The following MRPL22 variants were observed in gnomAD, a reference collection of about 807,000 sequenced individuals.
MRPL22 encodes the protein large ribosomal subunit protein uL22m.
In MRPL22, 27 loss-of-function variants were observed where a neutral mutation model predicts 32.4. The observed-to-expected ratio is 0.83, with a 90% CI of 0.61 to 1.15. MRPL22 has a LOEUF of 1.15. MRPL22 is among the 50% of genes most tolerant of loss of function. MRPL22 has a pLI of 0.00. For synonymous variants in MRPL22, 86 were observed against 87.3 expected, an observed-to-expected ratio of 0.99 and a Z score of 0.08; for missense variants, 239 against 260.2, an observed-to-expected ratio of 0.92 and a Z score of 0.56.
chr5:154,949,883 A>C (rs927394880), intron 2 of MRPL22, among the ~76,000 whole-genome samples: 1 of 152,220 alleles, frequency 6.6e-6, no homozygotes, highest in Non-Finnish European at 1.5e-5. Context: ...ATACTTAACA[A>C]ATTCTCTGAC....
At chr5:154,950,364 G>C (rs1408617220) in intron 2 of MRPL22, among the ~76,000 whole-genome samples, 1 of 152,224 alleles carries the variant, frequency 6.6e-6, no homozygotes, top group Non-Finnish European at 1.5e-5. Context: ...TTCACCTGAA[G>C]TCACCTCTGA....
chr5:154,950,764 C>G (rs1764549270), intron 2 of MRPL22, 57 bp from the exon 3 acceptor site: 1 of 1,108,420 alleles, frequency 9.0e-7, no homozygotes, highest in South Asian at 1.3e-5. Flanking sequence ...GATATGTAAA[C>G]TCTACAGAAA....
At chr5:154,944,374 G>A (rs893583282) in intron 2 of MRPL22, among the ~76,000 whole-genome samples, 1 of 152,240 alleles carries the variant, frequency 6.6e-6, no homozygotes, top group African/African-American at 2.4e-5. Flanking sequence ...GATTACAGAC[G>A]TGAGCCACCA....
Position 154,967,204 on chromosome 5 carries a change from G to C in MRPL22, c.*307G>C. On this transcript the variant is annotated 3_prime_UTR_variant, in exon 7 of 7. Transcript: ENST00000523037. The surrounding 1 kb of genome is among the most constrained non-coding windows in gnomAD (Gnocchi z 4.7). ...TCCAACTAGTGTCCTGCAGGTGGCT[G>C]TTTTGATACTGGACTTGAATACAGT... 3.0e-6 allele frequency: 1 copy of C among 333,744 alleles called. No homozygotes were observed. Among genetic ancestry groups the C allele is most frequent in the Non-Finnish European group, 5.6e-6 (1 of 179,074 alleles). The allele number at this position is 333,744 out of a possible 1,614,324, so 20.7% of individuals were successfully genotyped here.
rs1332112471 is a variant in MRPL22 at position 154,967,486 on chromosome 5, T to C, written c.*589T>C. The stretch of plus-strand genomic sequence containing the variant: ...AACCTTTAACTTTGAAAATTTTCTT[T>C]TGGTTAAGCAAAGCCTGTTTTTATT... On this transcript the variant is annotated 3_prime_UTR_variant, in exon 7 of 7. Transcript: ENST00000523037. The surrounding 1 kb of genome is among the most constrained non-coding windows in gnomAD (Gnocchi z 4.7). 1.3e-5 allele frequency: 2 copies of C among 152,416 alleles called. No individual in the cohort carries two copies. The highest frequency in any genetic ancestry group is 3.8e-4 in the East Asian group (2 of 5,196). 9.4% of individuals were successfully genotyped at this position (152,416 alleles called of 1,614,324 possible).
At chr5:154,965,668 C>T (rs189479540) in intron 6 of MRPL22, among the ~76,000 whole-genome samples, 5 of 152,240 alleles carry the variant, frequency 3.3e-5, no homozygotes, top group East Asian at 1.9e-4. Flanking sequence ...GTGATCCGCC[C>T]GCCTTGGCCT....
At chr5:154,951,831 T>G (rs749599139) in intron 3 of MRPL22, among the ~76,000 whole-genome samples, 1 of 152,060 alleles carries the variant, frequency 6.6e-6, no homozygotes, top group Non-Finnish European at 1.5e-5. Flanking sequence ...AAAATTTTTC[T>G]GTAACTAATG....
chr5:154,957,977 C>T (rs1301120802), intron 5 of MRPL22, among the ~76,000 whole-genome samples: 8 of 136,244 alleles, frequency 5.9e-5, no homozygotes, highest in African/African-American at 1.4e-4. Flanking sequence ...GGTGCAGTGG[C>T]GCCATCTTGG....
At chr5:154,946,579 T>C (rs972321864) in intron 2 of MRPL22, among the ~76,000 whole-genome samples, 1 of 151,786 alleles carries the variant, frequency 6.6e-6, no homozygotes, top group Non-Finnish European at 1.5e-5. Context: ...TTTGGGAGGC[T>C]GAGATGGGTG....
chr5:154,956,568 G>T, intron 4 of MRPL22, 132 bp downstream of exon 4: 1 of 636,474 alleles, frequency 1.6e-6, no homozygotes, highest in Non-Finnish European at 2.7e-6. Context: ...TTGGTAGGTT[G>T]TCAAAAGAAT....
chr5:154,966,813 A>G lies in MRPL22; in HGVS notation c.537A>G (p.Pro179=). 3.7e-6 allele frequency: 6 copies of G among 1,614,156 alleles called. No homozygotes were observed. Among genetic ancestry groups the G allele is most frequent in the Non-Finnish European group, 5.1e-6 (6 of 1,180,030 alleles). ...FVKLVEGPPP[P]PEPPKTAVAH... The stretch of plus-strand genomic sequence containing the variant: ...AGTTGGTGGAAGGGCCCCCACCTCC[A>G]CCTGAGCCACCAAAGACGGCAGTTG... Residue 179 remains proline (P), a synonymous_variant, in exon 7 of 7, where the codon CCA becomes CCG. Transcript: ENST00000523037.
chr5:154,966,836 TTGCCCA>T lies in MRPL22; in HGVS notation c.565_570del (p.His189_Ala190del). ...CCACCTGAGCCACCAAAGACGGCAGTTGCCCATGCCAAAGAGTATATTCAGCAGCTT... is the reference window on the plus strand; with the variant it reads ...CCACCTGAGCCACCAAAGACGGCAGTTGCCAAAGAGTATATTCAGCAGCTT... On this transcript the variant is annotated inframe_deletion, in exon 7 of 7. Transcript: ENST00000523037. 6.2e-7 allele frequency: 1 copy of T among 1,614,132 alleles called. No individual in the cohort carries two copies. The highest frequency in any genetic ancestry group is 8.5e-7 in the Non-Finnish European group (1 of 1,180,022).
At position 154,960,058 on chromosome 5, in the gene MRPL22, T is replaced by G. The variant is rs772522010; in HGVS notation, c.409+9T>G. The G allele has an allele frequency of 2.7e-5, 42 of 1,571,968 alleles. No homozygotes were observed. Among genetic ancestry groups the G allele is most frequent in the African/African-American group, 1.4e-5 (1 of 73,948 alleles). ...GTCCAATTTATATATAGGTAAGATT[T>G]TTAATATTCTTAGCATTAGAAAATG... is the stretch of plus-strand genomic sequence containing the variant. On this transcript the variant is annotated intron_variant, in intron 6 of 6. Transcript: ENST00000523037.
intron 3 of MRPL22, among the ~76,000 whole-genome samples, chr5:154,952,531 T>G (rs1357598662): frequency 6.6e-6 from 1 of 152,202 alleles, no homozygotes; most frequent in Non-Finnish European, 1.5e-5. Flanking sequence ...TTCTCTATTT[T>G]GCACAGATTT....
Position 154,957,146 on chromosome 5 carries a change from GT to G in MRPL22, c.274del (p.Ser92LeufsTer19), listed in dbSNP as rs1764640912. 6.2e-7 allele frequency: 1 copy of G among 1,612,636 alleles called. No individual in the cohort carries two copies. Among genetic ancestry groups the G allele is most frequent in the Non-Finnish European group, 8.5e-7 (1 of 1,178,940 alleles). ...WYLAKLIRGMSIDQALAQLEF... is the reference protein window; with the variant it reads ...WYLAKLIRGMXIDQALAQLEF... ...CCCTTTAATTCTAGATACGAGGAATGTCTATTGACCAGGCTTTGGCTCAGTT... is the reference window on the plus strand; with the variant it reads ...CCCTTTAATTCTAGATACGAGGAATGCTATTGACCAGGCTTTGGCTCAGTT... On this transcript the variant is annotated frameshift_variant, in exon 5 of 7. Coordinates refer to ENST00000523037, the MANE Select transcript of MRPL22 (RefSeq NM_014180.4). LOFTEE classifies it high-confidence loss of function.
intron 3 of MRPL22, among the ~76,000 whole-genome samples, chr5:154,952,832 A>G (rs1261803279): frequency 6.6e-6 from 1 of 152,212 alleles, no homozygotes; most frequent in Non-Finnish European, 1.5e-5. Flanking sequence ...GCCAGATAAT[A>G]TCTACCATTC....
intron 3 of MRPL22, among the ~76,000 whole-genome samples, chr5:154,953,774 C>T (rs1764597383): frequency 6.7e-6 from 1 of 150,286 alleles, no homozygotes; most frequent in Non-Finnish European, 1.5e-5. Context: ...GCAGCCTCCA[C>T]CTCCTGGACT....
Position 154,966,673 on chromosome 5 carries a change from T to C in MRPL22, c.410-13T>C. The stretch of plus-strand genomic sequence containing the variant: ...CACTCATTTCCTGTAATTCTCTTTT[T>C]CTTCCTGTTTAGCTGAGTCCACCTC... On this transcript the variant is annotated splice_polypyrimidine_tract_variant and intron_variant, in intron 6 of 6. Transcript: ENST00000523037. 1 of 1,612,864 alleles carries C rather than the reference T, an allele frequency of 6.2e-7. No individual in the cohort carries two copies. Among genetic ancestry groups the C allele is most frequent in the Non-Finnish European group, 8.5e-7 (1 of 1,179,766 alleles).
Position 154,968,602 on chromosome 5 carries a change from GC to G in MRPL22, c.*1706del, listed in dbSNP as rs1764804126. On this transcript the variant is annotated 3_prime_UTR_variant, in exon 7 of 7. Transcript: ENST00000523037. Reference sequence around the variant, plus strand: ...TTTGGTGTGGGAGACCATGGAACCTGCAGTTTTAATAAATGCCCCAGTGATT... The same window carrying G: ...TTTGGTGTGGGAGACCATGGAACCTGAGTTTTAATAAATGCCCCAGTGATT... 6.6e-6 allele frequency: 1 copy of G among 152,226 alleles called. No individual in the cohort carries two copies. Among genetic ancestry groups the G allele is most frequent in the East Asian group, 1.9e-4 (1 of 5,198 alleles). The allele number at this position is 152,226 out of a possible 1,614,324, so 9.4% of individuals were successfully genotyped here. A position where few individuals can be genotyped will look rare whatever the true frequency, so the allele number is the denominator to read the frequency against.
Sources: gnomAD v4.1 joint callset for allele counts (sites outside exome capture counted in the v4.1 genomes callset) on GRCh38, gnomAD v4.1.1 for gene constraint, Gnocchi (gnomAD v3.1) non-coding constraint, MANE v1.5 for transcripts, NCBI Gene and HGNC (gene_info 2026-07-23, HGNC 2026-07-21) for gene names.